The following SATL1 variants were observed in gnomAD, a reference collection of about 807,000 sequenced individuals.
The protein encoded by SATL1 is spermidine/spermine N1-acetyl transferase like 1.
SATL1 carries 47 observed loss-of-function variants against 51.8 expected under a neutral mutation model. The ratio of observed to expected loss-of-function variants is 0.91; its 90% CI spans 0.72 to 1.16. The LOEUF (loss-of-function observed/expected upper bound fraction) is 1.16. Ranked by LOEUF, SATL1 falls within the 50% of genes most tolerant of loss-of-function variation. The pLI is 0.00. For missense variants in SATL1, 520 were observed against 526.4 expected, an observed-to-expected ratio of 0.99 and a Z score of 0.12; for synonymous variants, 176 against 182.4, an observed-to-expected ratio of 0.97 and a Z score of 0.28.
chrX:85,210,660 A>G (rs1197702649), intron 2 of SATL1: 2 of 111,390 alleles, frequency 1.8e-5, no homozygotes, highest in African/African-American at 6.5e-5. Context: ...CCCCTTTAAG[A>G]ACATGGAATG....
chrX:85,194,219 T>A (rs1372892357), intron 2 of SATL1, among the ~76,000 whole-genome samples: 1 of 112,222 alleles, frequency 8.9e-6, no homozygotes, highest in African/African-American at 3.2e-5. Context: ...TAAGAAATTT[T>A]ATTCTGAAGA....
chrX:85,108,015 T>C lies in SATL1; in HGVS notation c.954A>G (p.Gln318=), dbSNP rs943023760. 4.1e-6 allele frequency: 5 copies of C among 1,209,564 alleles called. No homozygotes were observed. The highest frequency in any genetic ancestry group is 4.4e-5 in the Admixed American group (2 of 45,713). The part of the protein sequence containing the change: ...LPDINQPGMK[Q]PGTWQLGRSQ... ...TCCTACCTAATTGCCATGTGCCTGGTTGTTTCATGCCAGGTTGGTTTATGT... is the reference window on the plus strand; with the variant it reads ...TCCTACCTAATTGCCATGTGCCTGGCTGTTTCATGCCAGGTTGGTTTATGT... Residue 318 remains glutamine (Q), a synonymous_variant, in exon 3 of 8, where the codon CAA becomes CAG. Transcript: ENST00000644105.
chrX:85,203,321 G>C (rs1569246567), intron 2 of SATL1, among the ~76,000 whole-genome samples: 1 of 111,435 alleles, frequency 9.0e-6, no homozygotes, highest in Non-Finnish European at 1.9e-5. Flanking sequence ...TAAAAAAGCA[G>C]TCTGGCCACG....
intron 2 of SATL1, among the ~76,000 whole-genome samples, chrX:85,190,914 C>CAA (rs2147744732): frequency 1.0e-5 from 1 of 100,162 alleles, no homozygotes; most frequent in Non-Finnish European, 2.0e-5. Context: ...GGGAATTGAA[C>CAA]AATGAGAACA....
rs1291269827 is a variant in SATL1, at chrX:85,199,135, T to C, written c.-313+25070A>G. Among the ~76,000 whole-genome samples, 5 of 110,451 alleles carry C rather than the reference T, an allele frequency of 4.5e-5. No homozygotes were observed. The East Asian group carries it at 8.5e-4, about 19-fold the overall frequency. On this transcript the variant is annotated intron_variant, in intron 2 of 7. Transcript: ENST00000644105. ...ATTACAGGCTTATTCATTCTTTCTA[T>C]ATTTTTGTACCCATTAACCATCCCT...
At position 85,118,087 on chromosome X, in the gene SATL1, C is replaced by CTTTTTT. The variant is rs747093188; in HGVS notation, c.-312-8813_-312-8808dup. 5.0e-4 allele frequency among the ~76,000 whole-genome samples: 23 copies of CTTTTTT among 46,173 alleles called. 3 individuals are homozygous for CTTTTTT. The highest frequency in any genetic ancestry group is 6.4e-4 in the East Asian group (1 of 1,572). 40.1% of individuals were successfully genotyped at this position (46,173 alleles called of 115,157 possible). ...TTTTGCAAATAAAAAAAGAACTTAG[C>CTTTTTT]TTTTTTTTTTTTTTTTCCAGAGTGC... On this transcript the variant is annotated intron_variant, in intron 2 of 7. Coordinates refer to ENST00000644105, the MANE Select transcript of SATL1 (RefSeq NM_001367857.2).
intron 2 of SATL1, among the ~76,000 whole-genome samples, chrX:85,177,495 G>T (rs1043195353): frequency 9.0e-6 from 1 of 111,117 alleles, no homozygotes; most frequent in African/African-American, 3.3e-5. Context: ...TGATATTCGG[G>T]ATATGACAAA....
chrX:85,102,795 A>AT (rs954061768), intron 4 of SATL1, among the ~76,000 whole-genome samples: 8 of 110,572 alleles, frequency 7.2e-5, no homozygotes, highest in African/African-American at 1.3e-4. Flanking sequence ...TGAATGTCTG[A>AT]TTTTTTTTGA....
At chrX:85,161,354 G>A (rs1317827391) in intron 2 of SATL1, among the ~76,000 whole-genome samples, 1 of 110,432 alleles carries the variant, frequency 9.1e-6, no homozygotes, top group African/African-American at 3.3e-5. Flanking sequence ...AATTTAAAAG[G>A]CACAGAGTGG....
intron 2 of SATL1, among the ~76,000 whole-genome samples, chrX:85,163,924 A>G (rs1926776821): frequency 8.9e-6 from 1 of 111,915 alleles, no homozygotes; most frequent in African/African-American, 3.2e-5. Context: ...TAATCATTTT[A>G]TAAATCTGGG....
At chrX:85,213,273 C>T (rs1003392990) in intron 2 of SATL1, among the ~76,000 whole-genome samples, 2 of 111,457 alleles carry the variant, frequency 1.8e-5, no homozygotes, top group Non-Finnish European at 3.8e-5. Flanking sequence ...TGTTTCAGTC[C>T]ACTTAAATAA....
At chrX:85,151,767 T>A (rs186211259) in intron 2 of SATL1, among the ~76,000 whole-genome samples, 1 of 111,651 alleles carries the variant, frequency 9.0e-6, no homozygotes, top group African/African-American at 3.3e-5. Flanking sequence ...TAGCCATATG[T>A]AGAAAGCTGA....
intron 3 of SATL1, 37 bp from the exon 4 acceptor site, chrX:85,103,952 G>A (rs765236974): frequency 1.0e-6 from 1 of 1,000,475 alleles, no homozygotes; most frequent in South Asian, 1.9e-5. Context: ...TTATGATTTA[G>A]CAATAAATTA....
At chrX:85,106,436 C>T (rs747447850) in intron 3 of SATL1, among the ~76,000 whole-genome samples, 5 of 111,973 alleles carry the variant, frequency 4.5e-5, no homozygotes, top group Non-Finnish European at 9.4e-5. Flanking sequence ...ACAAACTTGG[C>T]CTGATTTAGA....
intron 2 of SATL1, among the ~76,000 whole-genome samples, chrX:85,193,116 T>C (rs1379089949): frequency 8.9e-6 from 1 of 111,829 alleles, no homozygotes; most frequent in Non-Finnish European, 1.9e-5. Flanking sequence ...TACTATATAT[T>C]CCATATCATT....
At chrX:85,240,199 A>T (rs1374009127) in intron 1 of SATL1, among the ~76,000 whole-genome samples, 1 of 112,121 alleles carries the variant, frequency 8.9e-6, no homozygotes, top group Non-Finnish European at 1.9e-5. Flanking sequence ...GCAAATAAGG[A>T]CACAAACAGG....
intron 2 of SATL1, among the ~76,000 whole-genome samples, chrX:85,116,810 C>T (rs1024820570): frequency 9.0e-6 from 1 of 110,777 alleles, no homozygotes; most frequent in African/African-American, 3.3e-5. Context: ...AATAATTGGT[C>T]ACAGCCAGCA....
intron 2 of SATL1, among the ~76,000 whole-genome samples, chrX:85,199,244 G>A (rs1330512009): frequency 1.8e-5 from 2 of 110,943 alleles, no homozygotes; most frequent in Non-Finnish European, 3.8e-5. Context: ...CAATTCTTTT[G>A]ATTTTCAGGT....
chrX:85,177,866 ATAAT>A (rs1792203284), intron 2 of SATL1, among the ~76,000 whole-genome samples: 3 of 111,309 alleles, frequency 2.7e-5, no homozygotes, highest in Non-Finnish European at 5.7e-5. Flanking sequence ...GGGTCAATAA[ATAAT>A]TAAATGGATT....
Sources: allele counts gnomAD v4.1 joint callset (sites outside exome capture counted in the v4.1 genomes callset), GRCh38; gene constraint gnomAD v4.1.1; transcripts MANE v1.5; gene names NCBI Gene and HGNC (gene_info 2026-07-23, HGNC 2026-07-21).